The following ABCC3 variants were observed in gnomAD, a reference collection of about 807,000 sequenced individuals.
The protein encoded by ABCC3 is ATP-binding cassette sub-family C member 3.
ABCC3 carries 121 observed loss-of-function variants against 165.3 expected under a neutral mutation model. The observed-to-expected ratio is 0.73, with a 90% confidence interval of 0.63 to 0.85. The LOEUF (loss-of-function observed/expected upper bound fraction) is 0.85, where lower values mean the gene tolerates loss of function less well. ABCC3 is among the 40% of genes least tolerant of loss of function. ABCC3 has a pLI of 0.00. For synonymous variants in ABCC3, 733 were observed against 810.1 expected, an observed-to-expected ratio of 0.90 and a Z score of 1.62; for missense variants, 1,869 against 1,964.1, an observed-to-expected ratio of 0.95 and a Z score of 0.92.
In ABCC3 at chr17:50,660,942, C is replaced by G. The variant is rs1384058021; in HGVS notation, c.826C>G (p.Pro276Ala). 6.2e-7 allele frequency: 1 copy of G among 1,607,764 alleles called. No individual in the cohort carries two copies. Among genetic ancestry groups the G allele is most frequent in the South Asian group, 1.1e-5 (1 of 89,896 alleles). The change falls in exon 8 of 31, where the codon CCT (proline) becomes GCT (alanine). Residue 276 changes from proline (P) to alanine (A), a missense_variant. Transcript: ENST00000285238. ...GACCAGACACAAGGCTTCAGCAGCA[C>G]CTGGGAAAAATGCCTCCGGCGAGGA... ...QTARHKASAA[P>A]GKNASGEDEV...
Position 50,668,015 on chromosome 17 carries a change from C to A in ABCC3, c.1782+6C>A, listed in dbSNP as rs1351400905. 7.4e-6 allele frequency: 12 copies of A among 1,613,204 alleles called. No individual in the cohort carries two copies. The highest frequency in any genetic ancestry group is 1.0e-5 in the Non-Finnish European group (12 of 1,179,236). ...TAATCAGCAACCTGACTCAGGTAAC[C>A]CTGGGTAGGGCTGGGGGCTCTACTG... On this transcript the variant is annotated splice_donor_region_variant and intron_variant, in intron 13 of 30. Transcript: ENST00000285238.
intron 1 of ABCC3, among the ~76,000 whole-genome samples, chr17:50,653,795 G>T (rs1967165316): frequency 1.3e-5 from 2 of 150,470 alleles, no homozygotes; most frequent in African/African-American, 2.4e-5. Context: ...AAGGCTCAAA[G>T]AACTCCACCT....
Position 50,669,283 on chromosome 17 carries a change from C to T in ABCC3, c.2064+17C>T. Reference sequence around the variant, plus strand: ...CACATGAAGGTGAGAGAGGCAGGGGCTCCTGGGCAGGGTGTGGGGCTCAGC... The same window carrying T: ...CACATGAAGGTGAGAGAGGCAGGGGTTCCTGGGCAGGGTGTGGGGCTCAGC... On this transcript the variant is annotated intron_variant, in intron 16 of 30. Transcript: ENST00000285238. The T allele has an allele frequency of 6.2e-7, 1 of 1,614,100 alleles. No homozygotes were observed. The highest frequency in any genetic ancestry group is 8.5e-7 in the Non-Finnish European group (1 of 1,180,004).
chr17:50,677,805 T>C lies in ABCC3; in HGVS notation c.3440T>C (p.Ile1147Thr), dbSNP rs1967850838. The part of the protein sequence containing the change: ...KRLESVSRSP[I>T]YSHFSETVTG... ...CTGGAATCAGTCAGCCGCTCACCTATCTACTCCCACTTTTCGGAGACAGTG... is the reference window on the plus strand; with the variant it reads ...CTGGAATCAGTCAGCCGCTCACCTACCTACTCCCACTTTTCGGAGACAGTG... The change falls in exon 24 of 31, where the codon ATC becomes ACC. Residue 1147 changes from isoleucine (I) to threonine (T), a missense_variant. Physicochemically the swap from Ile to Thr is moderately conservative, Grantham distance 89. Coordinates refer to ENST00000285238, the MANE Select transcript of ABCC3 (RefSeq NM_003786.4). The C allele has an allele frequency of 6.2e-7, 1 of 1,613,950 alleles. No homozygotes were observed. Among genetic ancestry groups the C allele is most frequent in the Non-Finnish European group, 8.5e-7 (1 of 1,180,006 alleles).
At chr17:50,674,576 T>C (rs1212246687) in intron 19 of ABCC3, 1 of 152,200 alleles carries the variant, frequency 6.6e-6, no homozygotes, top group African/African-American at 2.4e-5. Context: ...ATTATAGTCC[T>C]CATGGAGCTT....
In ABCC3 at chr17:50,675,632, C is replaced by T. The variant is rs1234533476; in HGVS notation, c.2716C>T (p.Gln906Ter). 1 of 1,565,948 alleles carries T rather than the reference C, an allele frequency of 6.4e-7. No individual in the cohort carries two copies. The change falls in exon 21 of 31, where the codon CAG becomes TAG. Residue 906 changes from glutamine (Q) to a stop codon, truncating the protein, a stop_gained and splice_region_variant. Coordinates refer to ENST00000285238, the MANE Select transcript of ABCC3 (RefSeq NM_003786.4). LOFTEE classifies it high-confidence loss of function. ...GGGCCTGACCAGCTGCCTCCACAGA[C>T]AGCTGAGTGCCCTGTCCTCAGATGG... ...TYVVQKQFMR[Q>*]LSALSSDGEG... is the part of the protein sequence containing the mutation.
chr17:50,672,075 C>A (rs1381375549), intron 17 of ABCC3, among the ~76,000 whole-genome samples: 1 of 152,090 alleles, frequency 6.6e-6, no homozygotes, highest in African/African-American at 2.4e-5. Context: ...CCCAGTAACC[C>A]ATTCACGCAT....
Position 50,669,495 on chromosome 17 carries a change from G to A in ABCC3, c.2208G>A (p.Leu736=). The A allele has an allele frequency of 6.2e-7, 1 of 1,614,246 alleles. No individual in the cohort carries two copies. Among genetic ancestry groups the A allele is most frequent in the Non-Finnish European group, 8.5e-7 (1 of 1,180,046 alleles). Residue 736 remains leucine, a synonymous_variant, in exon 17 of 31, where the codon CTG becomes CTA. Coordinates refer to ENST00000285238, the MANE Select transcript of ABCC3 (RefSeq NM_003786.4). ...CCTTGCTAGCTGACCTGGAGATGCT[G>A]CCTGGTGGGGATCAGACAGAGATTG... is the stretch of plus-strand genomic sequence containing the variant. The part of the protein sequence containing the change: ...ACALLADLEM[L]PGGDQTEIGE...
intron 30 of ABCC3, among the ~76,000 whole-genome samples, chr17:50,688,898 G>C (rs1968070339): frequency 7.4e-6 from 1 of 135,414 alleles, no homozygotes; most frequent in Admixed American, 7.3e-5. Flanking sequence ...GTGAGACGTT[G>C]TCTCAAAAAA....
chr17:50,668,558 G>C (rs753138382), intron 14 of ABCC3, 41 bp downstream of exon 14: 1 of 1,514,430 alleles, frequency 6.6e-7, no homozygotes, highest in Admixed American at 1.8e-5. Flanking sequence ...CCCAGTCCTT[G>C]CTCCAGAAAA....
At chr17:50,658,524 C>T (rs761607102) in intron 6 of ABCC3, 28 bp downstream of exon 6, 3 of 1,605,056 alleles carry the variant, frequency 1.9e-6, no homozygotes, top group South Asian at 2.2e-5. Context: ...CCAGCCAGGC[C>T]AGAGGGAGGG....
chr17:50,671,525 T>A (rs1439673065), intron 17 of ABCC3, among the ~76,000 whole-genome samples: 1 of 151,986 alleles, frequency 6.6e-6, no homozygotes, highest in Non-Finnish European at 1.5e-5. Context: ...CTAGGTAATT[T>A]ATAAAGAAAA....
Position 50,678,146 on chromosome 17 carries a change from C to T in ABCC3, c.3632C>T (p.Ala1211Val), listed in dbSNP as rs2146636440. The T allele has an allele frequency of 1.3e-6, 2 of 1,566,066 alleles. No individual in the cohort carries two copies. The highest frequency in any genetic ancestry group is 1.7e-6 in the Non-Finnish European group (2 of 1,156,218). ...GGGAACTGCGTGGTGCTCTTTGCTGCACTATTTGCCGTCATCGGGAGGAGC... is the reference window on the plus strand; with the variant it reads ...GGGAACTGCGTGGTGCTCTTTGCTGTACTATTTGCCGTCATCGGGAGGAGC... ...FVGNCVVLFA[A>V]LFAVIGRSSL... The change falls in exon 25 of 31, where the codon GCA (alanine) becomes GTA (valine). Residue 1211 changes from alanine (A) to valine (V), a missense_variant. Transcript: ENST00000285238.
chr17:50,691,249 A>G lies in ABCC3; in HGVS notation c.*49A>G. On this transcript the variant is annotated 3_prime_UTR_variant, in exon 31 of 31. Transcript: ENST00000285238. ...TGGCCTTTCCTGGTTTTCATCAGGA[A>G]GGAAATGACACCAAATATGTCCGCA... is the stretch of plus-strand genomic sequence containing the variant. The G allele has an allele frequency of 7.0e-7, 1 of 1,431,452 alleles. No individual in the cohort carries two copies. The highest frequency in any genetic ancestry group is 9.8e-7 in the Non-Finnish European group (1 of 1,016,460). 88.7% of individuals were successfully genotyped at this position (1,431,452 alleles called of 1,614,324 possible).
intron 29 of ABCC3, among the ~76,000 whole-genome samples, chr17:50,685,656 C>G (rs1161865598): frequency 6.6e-6 from 1 of 152,166 alleles, no homozygotes; most frequent in Non-Finnish European, 1.5e-5. Context: ...TTCACATTTA[C>G]AGAATGTCTC....
chr17:50,672,328 G>A (rs1967666215), intron 17 of ABCC3, among the ~76,000 whole-genome samples: 1 of 152,214 alleles, frequency 6.6e-6, no homozygotes, highest in South Asian at 2.1e-4. Context: ...GCATATCCAT[G>A]TTGTAGCATG....
At chr17:50,680,552 C>A (rs1210616134) in intron 26 of ABCC3, among the ~76,000 whole-genome samples, 5 of 152,186 alleles carry the variant, frequency 3.3e-5, no homozygotes, top group African/African-American at 1.2e-4. Context: ...TCACAGCAGT[C>A]TGCCTTCACT....
chr17:50,670,910 G>A (rs1367780849), intron 17 of ABCC3, among the ~76,000 whole-genome samples: 9 of 152,134 alleles, frequency 5.9e-5, no homozygotes, highest in Non-Finnish European at 1.3e-4. Flanking sequence ...GAACACTGGG[G>A]AAAATTTGGG....
chr17:50,667,504 G>A, intron 11 of ABCC3, 50 bp from the exon 12 acceptor site: 1 of 1,515,802 alleles, frequency 6.6e-7, no homozygotes, highest in Non-Finnish European at 9.1e-7. Context: ...GTGAGCAGGA[G>A]GTCAGGGGAG....
Sources: gnomAD v4.1 joint callset for allele counts (sites outside exome capture counted in the v4.1 genomes callset) on GRCh38, gnomAD v4.1.1 for gene constraint, MANE v1.5 for transcripts, NCBI Gene and HGNC (gene_info 2026-07-23, HGNC 2026-07-21) for gene names.